DHX34: variants seen among roughly 807,000 people sequenced by gnomAD.
DHX34 encodes probable ATP-dependent RNA helicase DHX34.
In DHX34, 96 loss-of-function variants were observed where a neutral mutation model predicts 111.1. The ratio of observed to expected loss-of-function variants is 0.86; its 90% CI spans 0.73 to 1.02. DHX34 has a LOEUF of 1.02. Among genes scored for constraint, DHX34 ranks in the 50% least tolerant of loss-of-function variants. The probability of loss-of-function intolerance (pLI) is 0.00; values close to 1 mark genes in which losing one functional copy is unlikely to be tolerated. For synonymous variants in DHX34, 688 were observed against 670.4 expected (o/e 1.03, Z -0.41); for missense variants, 1,560 against 1,579.9 (o/e 0.99, Z 0.21).
In DHX34 at chr19:47,381,281, C is replaced by T. The variant is rs1212191418; in HGVS notation, c.3255C>T (p.Ala1085=). The change falls in exon 16 of 17, where the codon GCC becomes GCT. Residue 1085 remains alanine (A), a synonymous_variant. Coordinates refer to ENST00000328771, the MANE Select transcript of DHX34 (RefSeq NM_014681.6). ...HAPLTPLERI[A]HENTCPQAPQ... ...CCCTCACGCCCCTGGAGCGCATCGC[C>T]CATGAGAACACCTGCCCCCAGGCCC... The T allele has an allele frequency of 6.2e-7, 1 of 1,613,894 alleles. No homozygotes were observed. The highest frequency in any genetic ancestry group is 1.7e-5 in the Admixed American group (1 of 59,998).
chr19:47,372,957 C>A, intron 8 of DHX34, 34 bp downstream of exon 8: 4 of 1,466,024 alleles, frequency 2.7e-6, no homozygotes, highest in Non-Finnish European at 3.6e-6. Context: ...CTGTCTGTCA[C>A]CCTGCTCAGG....
At position 47,376,799 on chromosome 19, in the gene DHX34, C is replaced by T. The variant is rs554224141; in HGVS notation, c.2599+239C>T. The T allele has an allele frequency of 5.8e-5, 88 of 1,509,088 alleles. 1 individual carries two copies. The East Asian group carries it at 1.8e-3, about 31-fold the overall frequency. The allele number at this position is 1,509,088 out of a possible 1,614,324, so 93.5% of individuals were successfully genotyped here. A position where few individuals can be genotyped will look rare whatever the true frequency, so the allele number is the denominator to read the frequency against. ...CAACCTAAGCCAGTGTGGCTGTGCC[C>T]AGAGAGTGAGCACCGGTCAGGGGGC... On this transcript the variant is annotated intron_variant, in intron 12 of 16. Coordinates refer to ENST00000328771, the MANE Select transcript of DHX34 (RefSeq NM_014681.6).
At chr19:47,379,296 C>T (rs941517312) in intron 13 of DHX34, among the ~76,000 whole-genome samples, 2 of 152,178 alleles carry the variant, frequency 1.3e-5, no homozygotes, top group Non-Finnish European at 2.9e-5. Context: ...GGCCCCAGCC[C>T]TGAGGATTTT....
intron 5 of DHX34, among the ~76,000 whole-genome samples, chr19:47,360,918 C>G (rs1969612114): frequency 6.6e-6 from 1 of 152,016 alleles, no homozygotes. Flanking sequence ...GTGCTGCCTG[C>G]CTCAGCCTCC....
intron 3 of DHX34, among the ~76,000 whole-genome samples, chr19:47,356,296 G>A (rs1969454910): frequency 6.6e-6 from 1 of 151,982 alleles, no homozygotes; most frequent in Non-Finnish European, 1.5e-5. Context: ...GTGATTTCTG[G>A]TTCCGGATGC....
chr19:47,379,640 G>T (rs1327084441), intron 13 of DHX34, 70 bp from the exon 14 acceptor site: 3 of 1,520,208 alleles, frequency 2.0e-6, no homozygotes, highest in Non-Finnish European at 2.7e-6. Flanking sequence ...AGCCCAGCCG[G>T]GCAGGGCCTG....
At chr19:47,376,132 C>G (rs1423967567) in intron 11 of DHX34, 35 bp downstream of exon 11, 4 of 1,523,432 alleles carry the variant, frequency 2.6e-6, no homozygotes, top group Non-Finnish European at 3.5e-6. Flanking sequence ...ATGTTTTGTC[C>G]TCCAACACAC....
At chr19:47,379,479 C>T (rs1340001465) in intron 13 of DHX34, 3 of 528,968 alleles carry the variant, frequency 5.7e-6, no homozygotes, top group Non-Finnish European at 7.3e-6. Flanking sequence ...AGCACGCTCC[C>T]ATCTGCCGCC....
At chr19:47,368,278 C>CATCATTCA (rs1207307572) in intron 7 of DHX34, among the ~76,000 whole-genome samples, 1 of 127,548 alleles carries the variant, frequency 7.8e-6, no homozygotes, top group African/African-American at 3.4e-5. Flanking sequence ...CCAACAGTCT[C>CATCATTCA]ATCATTCATT....
chr19:47,378,609 T>G (rs979720983), intron 13 of DHX34, among the ~76,000 whole-genome samples: 1 of 151,930 alleles, frequency 6.6e-6, no homozygotes, highest in East Asian at 1.9e-4. Context: ...GTGGGAGGAT[T>G]GTTTGAGCCC....
chr19:47,372,812 C>T lies in DHX34; in HGVS notation c.1851C>T (p.Pro617=). Residue 617 remains proline (P), a synonymous_variant, in exon 8 of 17, where the codon CCC becomes CCT. Coordinates refer to ENST00000328771, the MANE Select transcript of DHX34 (RefSeq NM_014681.6). ...CAGCCGCACTTAGCGTCCAGTCGCC[C>T]TTCACCCGCAGCGCCCAGAGCAGCC... ...TIAAALSVQS[P]FTRSAQSSPE... 6.2e-7 allele frequency: 1 copy of T among 1,613,142 alleles called. No homozygotes were observed. The highest frequency in any genetic ancestry group is 1.7e-4 in the Middle Eastern group (1 of 6,060).
In DHX34 at chr19:47,362,611, A is replaced by G. The variant is rs370425438; in HGVS notation, c.1511A>G (p.Tyr504Cys). 3.1e-6 allele frequency: 5 copies of G among 1,613,950 alleles called. No individual in the cohort carries two copies. Among genetic ancestry groups the G allele is most frequent in the Non-Finnish European group, 4.2e-6 (5 of 1,180,002 alleles). The change falls in exon 6 of 17, where the codon TAT becomes TGT. Residue 504 changes from tyrosine to cysteine, a missense_variant. Physicochemically the swap from Tyr to Cys is radical, Grantham distance 194 (BLOSUM62 -2). Transcript: ENST00000328771. ...GGCCCCGGAGTCTGCTTCCGCCTCT[A>G]TGCCGAATCGGACTATGATGCCTTC... ...RTGPGVCFRLYAESDYDAFAP... is the reference protein window; with the variant it reads ...RTGPGVCFRLCAESDYDAFAP...
intron 9 of DHX34, 127 bp from the exon 10 acceptor site, chr19:47,375,339 T>C (rs769264339): frequency 3.0e-5 from 43 of 1,424,846 alleles, no homozygotes; most frequent in African/African-American, 8.8e-5. Context: ...CCCAGCACCA[T>C]GCGAGGGGCT....
At chr19:47,355,851 CAA>C (rs1028340193) in intron 3 of DHX34, among the ~76,000 whole-genome samples, 2 of 130,288 alleles carry the variant, frequency 1.5e-5, no homozygotes, top group Non-Finnish European at 3.3e-5. Flanking sequence ...GACTTTGTCT[CAA>C]AAAAAAAAAA....
intron 7 of DHX34, among the ~76,000 whole-genome samples, chr19:47,367,895 CAAAAAAA>C (rs1226350533): frequency 6.5e-5 from 3 of 46,172 alleles, no homozygotes; most frequent in African/African-American, 2.5e-4. Context: ...GACTCCATCT[CAAAAAAA>C]AAAAAAAAAA....
At chr19:47,376,858 T>C in intron 12 of DHX34, 1 of 1,532,330 alleles carries the variant, frequency 6.5e-7, no homozygotes, top group African/African-American at 1.4e-5. Flanking sequence ...CCCAGGTGGG[T>C]CCTGCAGAGG....
Position 47,382,633 on chromosome 19 carries a change from AAAAT to A in DHX34, c.*524_*527del, listed in dbSNP as rs1218187039. ...CACCATAAGACCCACTCACAATAAA[AAAAT>A]AAAAGGCCGAGCCGGGCATGGTTGC... On this transcript the variant is annotated 3_prime_UTR_variant, in exon 17 of 17. Coordinates refer to ENST00000328771, the MANE Select transcript of DHX34 (RefSeq NM_014681.6). 1 of 152,736 alleles carries A rather than the reference AAAAT, an allele frequency of 6.5e-6. No homozygotes were observed. The highest frequency in any genetic ancestry group is 2.4e-5 in the African/African-American group (1 of 41,444). The allele number at this position is 152,736 out of a possible 1,614,324, so 9.5% of individuals were successfully genotyped here. A position where few individuals can be genotyped will look rare whatever the true frequency, so the allele number is the denominator to read the frequency against.
rs201611383 is a variant in DHX34, at chr19:47,379,991, C to G, written c.2982+6C>G. On this transcript the variant is annotated splice_donor_region_variant and intron_variant, in intron 14 of 16. Coordinates refer to ENST00000328771, the MANE Select transcript of DHX34 (RefSeq NM_014681.6). ...TGCAATTCACGGCATCCAAGGTACC[C>G]TCCACCAGGGTGCCCGTGCCTCCCT... 5 of 1,574,432 alleles carry G rather than the reference C, an allele frequency of 3.2e-6. No homozygotes were observed. Among genetic ancestry groups the G allele is most frequent in the Middle Eastern group, 1.7e-4 (1 of 5,910 alleles).
intron 16 of DHX34, 73 bp downstream of exon 16, chr19:47,381,397 G>T: frequency 6.4e-7 from 1 of 1,551,598 alleles, no homozygotes; most frequent in Non-Finnish European, 8.7e-7. Context: ...TCTCCTGTGC[G>T]TGTGAGCACT....
Sources: gnomAD v4.1 joint callset for allele counts (sites outside exome capture counted in the v4.1 genomes callset) on GRCh38, gnomAD v4.1.1 for gene constraint, MANE v1.5 for transcripts, NCBI Gene and HGNC (gene_info 2026-07-23, HGNC 2026-07-21) for gene names.